VWC2: variants seen among roughly 807,000 people sequenced by gnomAD.
The protein encoded by VWC2 is von Willebrand factor C domain containing 2.
Under a neutral mutation model 29.8 loss-of-function variants are expected in VWC2, and 14 were observed. The observed-to-expected ratio is 0.47, with a 90% CI of 0.31 to 0.74. The LOEUF (loss-of-function observed/expected upper bound fraction) is 0.74. Among genes scored for constraint, VWC2 ranks in the 30% least tolerant of loss-of-function variants. VWC2 has a pLI of 0.05. For synonymous variants in VWC2, 213 were observed against 199.0 expected (o/e 1.07, Z -0.59); for missense variants, 457 against 459.8 (o/e 0.99, Z 0.05).
At chr7:49,817,422 C>A (rs1461664507) in intron 3 of VWC2, among the ~76,000 whole-genome samples, 2 of 152,220 alleles carry the variant, frequency 1.3e-5, no homozygotes, top group African/African-American at 4.8e-5. Flanking sequence ...TAGAAATGAT[C>A]TGTCAGTGGT....
intron 3 of VWC2, among the ~76,000 whole-genome samples, chr7:49,863,980 AT>A (rs1484985563): frequency 2.0e-5 from 3 of 152,082 alleles, no homozygotes; most frequent in African/African-American, 7.2e-5. Flanking sequence ...GTTTTAAAAT[AT>A]TTTCCCTTTA....
intron 3 of VWC2, among the ~76,000 whole-genome samples, chr7:49,825,936 C>T (rs1789380194): frequency 6.6e-6 from 1 of 152,124 alleles, no homozygotes; most frequent in Non-Finnish European, 1.5e-5. Flanking sequence ...CTTTGGCTTT[C>T]TTACTTCAGT....
intron 3 of VWC2, among the ~76,000 whole-genome samples, chr7:49,805,083 T>A (rs1788843669): frequency 6.6e-6 from 1 of 152,224 alleles, no homozygotes. Flanking sequence ...AATTTTTTCA[T>A]TTAAGATATA....
At chr7:49,834,796 G>A (rs1489354383) in intron 3 of VWC2, among the ~76,000 whole-genome samples, 4 of 152,198 alleles carry the variant, frequency 2.6e-5, no homozygotes, top group Non-Finnish European at 4.4e-5. Context: ...GATTGGAGTC[G>A]TGATCTCACA....
chr7:49,909,629 T>C, intron 3 of VWC2, among the ~76,000 whole-genome samples: 1 of 152,134 alleles, frequency 6.6e-6, no homozygotes, highest in East Asian at 1.9e-4. Flanking sequence ...ATAAATCTGG[T>C]GTTTTCAGGT....
intron 3 of VWC2, among the ~76,000 whole-genome samples, chr7:49,809,242 A>G (rs1013830091): frequency 1.3e-5 from 2 of 152,016 alleles, no homozygotes; most frequent in African/African-American, 4.8e-5. Context: ...AGGCAATACT[A>G]TGAACAACTC....
rs1788046218 is a variant in VWC2 at position 49,775,993 on chromosome 7, G to A, written c.558G>A (p.Leu186=). 1 of 1,545,206 alleles carries A rather than the reference G, an allele frequency of 6.5e-7. No individual in the cohort carries two copies. The highest frequency in any genetic ancestry group is 1.9e-5 in the Admixed American group (1 of 51,340). Residue 186 remains leucine, a synonymous_variant, in exon 2 of 4, where the codon CTG becomes CTA. Coordinates refer to ENST00000340652, the MANE Select transcript of VWC2 (RefSeq NM_198570.5). The part of the protein sequence containing the change: ...CPCLCTEEGP[L]CAQPECPRLH... Reference sequence around the variant, plus strand: ...GCCTGTGCACCGAGGAGGGGCCGCTGTGCGCGCAGCCCGAGTGCCCGAGGC... The same window carrying A: ...GCCTGTGCACCGAGGAGGGGCCGCTATGCGCGCAGCCCGAGTGCCCGAGGC...
rs150311965 is a variant in VWC2, at chr7:49,816,708, G to A, written c.826+13868G>A. Among the ~76,000 whole-genome samples the A allele has an allele frequency of 7.9e-3, 1,209 of 152,334 alleles. 50 individuals carry two copies. In the South Asian group the frequency reaches 0.12, roughly 15 times the overall value. On this transcript the variant is annotated intron_variant, in intron 3 of 3. Coordinates refer to ENST00000340652, the MANE Select transcript of VWC2 (RefSeq NM_198570.5). Reference sequence around the variant, plus strand: ...TTAACTGGAGAAAAAAACAACTGATGGATGCTTTTTTGTTCAGTGTTCTGA... The same window carrying A: ...TTAACTGGAGAAAAAAACAACTGATAGATGCTTTTTTGTTCAGTGTTCTGA...
chr7:49,895,769 T>G (rs1368344186), intron 3 of VWC2, among the ~76,000 whole-genome samples: 1 of 152,098 alleles, frequency 6.6e-6, no homozygotes, highest in African/African-American at 2.4e-5. Flanking sequence ...AATATAAAAA[T>G]TAAGTAGCAT....
chr7:49,798,747 T>C (rs1788659826), intron 2 of VWC2, among the ~76,000 whole-genome samples: 1 of 152,244 alleles, frequency 6.6e-6, no homozygotes, highest in Non-Finnish European at 1.5e-5. Flanking sequence ...AGGCTGCATC[T>C]TCCTCAGCTG....
At position 49,774,128 on chromosome 7, in the gene VWC2, C is replaced by G. The variant is rs1787998281; in HGVS notation, c.-104+15C>G. 1 of 152,206 alleles carries G rather than the reference C, an allele frequency of 6.6e-6. No individual in the cohort carries two copies. The allele number at this position is 152,206 out of a possible 1,614,324, so 9.4% of individuals were successfully genotyped here. On this transcript the variant is annotated intron_variant, in intron 1 of 3. Transcript: ENST00000340652. ...CCTGCGCTCATGTATGTAGGTTTGG[C>G]GCCGGTCTTCAGGGCTGAGGGTGCA...
rs772411886 is a variant in VWC2, at chr7:49,802,742, C to T, written c.728C>T (p.Ala243Val). The T allele has an allele frequency of 1.9e-6, 3 of 1,614,192 alleles. No individual in the cohort carries two copies. In the Admixed American group the frequency reaches 5.0e-5, roughly 27 times the overall value. The change falls in exon 3 of 4, where the codon GCC becomes GTC. Residue 243 changes from alanine to valine, a missense_variant. Around this residue, in one of 2 missense-constraint regions of VWC2, gnomAD observed 185 missense variants for 257.1 expected, o/e 0.72. Coordinates refer to ENST00000340652, the MANE Select transcript of VWC2 (RefSeq NM_198570.5). ...CCATGCGAGAGGTGTCGCTGTGAAG[C>T]CAACGGTGAGGTGCTATGCACAGTG... ...VSPCERCRCE[A>V]NGEVLCTVSA...
chr7:49,902,760 T>C (rs11983174), intron 3 of VWC2, among the ~76,000 whole-genome samples: 116,268 of 151,918 alleles, frequency 0.77, 44,674 homozygotes, highest in East Asian at 0.89. Flanking sequence ...ATGCATTTGA[T>C]CGCATTGAAA....
chr7:49,787,673 T>C (rs1472885795), intron 2 of VWC2, among the ~76,000 whole-genome samples: 1 of 152,152 alleles, frequency 6.6e-6, no homozygotes, highest in Non-Finnish European at 1.5e-5. Context: ...CACACACAAA[T>C]GTCATGAGTG....
At chr7:49,865,005 C>T (rs1323615295) in intron 3 of VWC2, among the ~76,000 whole-genome samples, 1 of 74,832 alleles carries the variant, frequency 1.3e-5, no homozygotes, top group African/African-American at 3.9e-5. Flanking sequence ...GAGCTGCCTA[C>T]TCTCAATTTT....
At chr7:49,868,494 T>C (rs148012391) in intron 3 of VWC2, among the ~76,000 whole-genome samples, 2,035 of 152,298 alleles carry the variant, frequency 0.013, 37 homozygotes, top group African/African-American at 0.046. Context: ...CTAAATCACA[T>C]AGAATTAGAA....
chr7:49,802,782 G>C lies in VWC2; in HGVS notation c.768G>C (p.Gln256His). The C allele has an allele frequency of 6.2e-7, 1 of 1,614,236 alleles. No homozygotes were observed. The highest frequency in any genetic ancestry group is 8.5e-7 in the Non-Finnish European group (1 of 1,180,030). Residue 256 changes from glutamine to histidine, a missense_variant, in exon 3 of 4, where the codon CAG becomes CAC. By Grantham distance (24) the Gln-to-His change is conservative. Transcript: ENST00000340652. ...EVLCTVSACP[Q>H]TECVDPVYEP... ...TATGCACAGTGTCAGCGTGTCCCCA[G>C]ACGGAGTGTGTGGACCCTGTGTACG...
At chr7:49,864,592 G>C (rs905363851) in intron 3 of VWC2, among the ~76,000 whole-genome samples, 1 of 152,176 alleles carries the variant, frequency 6.6e-6, no homozygotes. Flanking sequence ...GCAGGTTGTT[G>C]TCAGCCTTAC....
intron 2 of VWC2, among the ~76,000 whole-genome samples, chr7:49,782,671 C>T (rs1183003516): frequency 6.8e-6 from 1 of 147,384 alleles, no homozygotes; most frequent in African/African-American, 2.5e-5. Context: ...ATAGTGAGGC[C>T]ACATCTCTAC....
Sources: gnomAD v4.1 joint callset for allele counts (sites outside exome capture counted in the v4.1 genomes callset) on GRCh38, gnomAD v4.1.1 for gene constraint, gnomAD v4.1.1 regional missense constraint, MANE v1.5 for transcripts, NCBI Gene and HGNC (gene_info 2026-07-23, HGNC 2026-07-21) for gene names.